The following HOMEZ variants were observed in gnomAD, a reference collection of about 807,000 sequenced individuals.
The protein encoded by HOMEZ is homeobox and leucine zipper encoding.
HOMEZ carries 20 observed loss-of-function variants against 50.1 expected under a neutral mutation model. The ratio of observed to expected loss-of-function variants is 0.40; its 90% confidence interval spans 0.28 to 0.58. The LOEUF (loss-of-function observed/expected upper bound fraction) is 0.58. Ranked by LOEUF, HOMEZ falls within the 20% of genes least tolerant of loss-of-function variation. The probability of loss-of-function intolerance (pLI) is 0.46; values close to 1 mark genes in which losing one functional copy is unlikely to be tolerated. For synonymous variants in HOMEZ, 239 were observed against 254.7 expected (o/e 0.94, Z 0.59); for missense variants, 579 against 680.5 (o/e 0.85, Z 1.66).
intron 1 of HOMEZ, among the ~76,000 whole-genome samples, chr14:23,282,660 C>A (rs1385200400): frequency 6.6e-6 from 1 of 152,188 alleles, no homozygotes; most frequent in African/African-American, 2.4e-5. Context: ...CAAAGCAGTC[C>A]AGTGTGAGGA....
intron 1 of HOMEZ, among the ~76,000 whole-genome samples, chr14:23,280,763 A>ATTTTCTTTTCTTTTC (rs1295606666): frequency 4.7e-5 from 4 of 86,016 alleles, no homozygotes; most frequent in Admixed American, 1.3e-4. Flanking sequence ...ATTTTATTTT[A>ATTTTCTTTTCTTTTC]TTTTATTTTA....
rs1886357088 is a variant in HOMEZ, at chr14:23,276,365, G to A, written c.863C>T (p.Thr288Ile). 7.4e-6 allele frequency: 12 copies of A among 1,613,982 alleles called. No individual in the cohort carries two copies. In the East Asian group the frequency reaches 2.5e-4, roughly 33 times the overall value. The change falls in exon 2 of 2, where the codon ACC becomes ATC. Residue 288 changes from threonine to isoleucine, a missense_variant. Thr to Ile is a moderately conservative substitution (Grantham distance 89, BLOSUM62 -1). Coordinates refer to ENST00000357460, the MANE Select transcript of HOMEZ (RefSeq NM_020834.3). The surrounding 1 kb of genome is among the most constrained non-coding windows in gnomAD (Gnocchi z 4.1). Reference sequence around the variant, plus strand: ...AGCCAGTACCTGGAAAGAAGAAGAGGTAGAGGAAGAAGAGGGAGTAACACT... The same window carrying A: ...AGCCAGTACCTGGAAAGAAGAAGAGATAGAGGAAGAAGAGGGAGTAACACT... The part of the protein sequence containing the change: ...ASSVTPSSSS[T>I]SSSFQVLANG...
At chr14:23,281,644 T>C (rs1238218750) in intron 1 of HOMEZ, among the ~76,000 whole-genome samples, 1 of 152,032 alleles carries the variant, frequency 6.6e-6, no homozygotes, top group Non-Finnish European at 1.5e-5. Context: ...ATTTAACTTC[T>C]CTAAGTCTTA....
intron 1 of HOMEZ, among the ~76,000 whole-genome samples, chr14:23,279,427 G>A (rs1363613059): frequency 6.6e-6 from 1 of 152,112 alleles, no homozygotes; most frequent in Non-Finnish European, 1.5e-5. Flanking sequence ...AACTAATTCC[G>A]ATTGGCTAAT....
chr14:23,280,722 T>TCA (rs1394796179), intron 1 of HOMEZ, among the ~76,000 whole-genome samples: 1 of 66,960 alleles, frequency 1.5e-5, no homozygotes, highest in East Asian at 4.3e-4. Flanking sequence ...TTTATTTTAT[T>TCA]TTATTTTATT....
In HOMEZ at chr14:23,276,167, A is replaced by T. The variant is rs149085380; in HGVS notation, c.1061T>A (p.Met354Lys). 5 of 1,613,930 alleles carry T rather than the reference A, an allele frequency of 3.1e-6. No individual in the cohort carries two copies. The highest frequency in any genetic ancestry group is 4.2e-6 in the Non-Finnish European group (5 of 1,179,854). The change falls in exon 2 of 2, where the codon ATG becomes AAG. Residue 354 changes from methionine to lysine, a missense_variant. By Grantham distance (95) the Met-to-Lys change is moderately conservative. Transcript: ENST00000357460. This position sits in a 1 kb window ranked among gnomAD's most constrained non-coding sequence, Gnocchi z 4.1. ...VGPTEYLSPDMQRQRKTKRKT... is the reference protein window; with the variant it reads ...VGPTEYLSPDKQRQRKTKRKT... ...GCGCTTGGTCTTTCGCTGGCGTTGCATATCTGGGGAAAGGTACTCTGTGGG... is the reference window on the plus strand; with the variant it reads ...GCGCTTGGTCTTTCGCTGGCGTTGCTTATCTGGGGAAAGGTACTCTGTGGG...
chr14:23,281,679 T>A (rs1245483496), intron 1 of HOMEZ, among the ~76,000 whole-genome samples: 9 of 151,926 alleles, frequency 5.9e-5, no homozygotes, highest in Admixed American at 5.9e-4. Flanking sequence ...AAAAAGCACC[T>A]TGGGCCGAGC....
chr14:23,280,710 T>TTTTATATTTTATTTATTTTATTTTTTTA (rs1555323548), intron 1 of HOMEZ, among the ~76,000 whole-genome samples: 1 of 62,102 alleles, frequency 1.6e-5, no homozygotes, highest in African/African-American at 5.2e-5. Flanking sequence ...TATATTTTTA[T>TTTTATATTTTATTTATTTTATTTTTTTA]TTTTATTTTA....
Position 23,273,986 on chromosome 14 carries a change from G to C in HOMEZ, c.*1589C>G, listed in dbSNP as rs989342320. The C allele has an allele frequency of 6.6e-6, 1 of 152,662 alleles. No individual in the cohort carries two copies. The highest frequency in any genetic ancestry group is 1.5e-5 in the Non-Finnish European group (1 of 68,044). 9.5% of individuals were successfully genotyped at this position (152,662 alleles called of 1,614,324 possible). On this transcript the variant is annotated 3_prime_UTR_variant, in exon 2 of 2. Transcript: ENST00000357460. The stretch of plus-strand genomic sequence containing the variant: ...AATAAGTTAAAAGTATGCTGAGTTA[G>C]AATGTTAATGGATTTGGTTCCATTA...
At chr14:23,281,058 C>T (rs987550911) in intron 1 of HOMEZ, among the ~76,000 whole-genome samples, 1 of 151,852 alleles carries the variant, frequency 6.6e-6, no homozygotes, top group African/African-American at 2.4e-5. Flanking sequence ...CGTGAAACAC[C>T]GGGCCCAGCC....
chr14:23,273,096 G>T lies in HOMEZ; in HGVS notation c.*2479C>A. 2.5e-6 allele frequency: 1 copy of T among 404,906 alleles called. No individual in the cohort carries two copies. 25.1% of individuals were successfully genotyped at this position (404,906 alleles called of 1,614,324 possible). ...GGTCTTACAAAAGGCTAGTGCTTCA[G>T]GAAGATGTTTATATCTCTTCCAGAA... On this transcript the variant is annotated 3_prime_UTR_variant, in exon 2 of 2. Coordinates refer to ENST00000357460, the MANE Select transcript of HOMEZ (RefSeq NM_020834.3).
chr14:23,280,711 T>TTTATTTTA lies in HOMEZ; in HGVS notation c.41-3525_41-3524insTAAAATAA, dbSNP rs1555323555. Among the ~76,000 whole-genome samples, 169 of 34,356 alleles carry TTTATTTTA rather than the reference T, an allele frequency of 4.9e-3. 12 individuals are homozygous for TTTATTTTA. The highest frequency in any genetic ancestry group is 0.014 in the African/African-American group (162 of 11,812). The allele number at this position is 34,356 out of a possible 152,430, so 22.5% of individuals were successfully genotyped here. The stretch of plus-strand genomic sequence containing the variant: ...TTTATTTTTATTTTTATATTTTTAT[T>TTTATTTTA]TTTATTTTATTTTATTTTATTTTAT... On this transcript the variant is annotated intron_variant, in intron 1 of 1. Coordinates refer to ENST00000357460, the MANE Select transcript of HOMEZ (RefSeq NM_020834.3).
chr14:23,277,825 C>CTG (rs1406116470), intron 1 of HOMEZ, among the ~76,000 whole-genome samples: 2 of 150,778 alleles, frequency 1.3e-5, no homozygotes, highest in East Asian at 2.0e-4. Flanking sequence ...ATGTGTGTGT[C>CTG]TGTGTGTGTG....
chr14:23,280,728 T>TTA (rs1289468615), intron 1 of HOMEZ, among the ~76,000 whole-genome samples: 46 of 62,766 alleles, frequency 7.3e-4, no homozygotes, highest in South Asian at 2.4e-3. Flanking sequence ...TTATTTTATT[T>TTA]TATTTTATTT....
intron 1 of HOMEZ, among the ~76,000 whole-genome samples, chr14:23,284,014 C>T (rs896202688): frequency 2.0e-5 from 3 of 152,108 alleles, no homozygotes; most frequent in Non-Finnish European, 4.4e-5. Flanking sequence ...TTTTAAGGGC[C>T]TTAAAGACTT....
At chr14:23,279,337 G>C (rs751937068) in intron 1 of HOMEZ, among the ~76,000 whole-genome samples, 18 of 152,178 alleles carry the variant, frequency 1.2e-4, no homozygotes, top group Non-Finnish European at 2.6e-4. Context: ...ACAAAAGAGG[G>C]GAAGAAGTTC....
rs953880848 is a variant in HOMEZ, at chr14:23,286,066, C to T, written c.-114G>A. 2 of 1,231,036 alleles carry T rather than the reference C, an allele frequency of 1.6e-6. No individual in the cohort carries two copies. Among genetic ancestry groups the T allele is most frequent in the Admixed American group, 4.2e-5 (1 of 23,698 alleles). The allele number at this position is 1,231,036 out of a possible 1,614,324, so 76.3% of individuals were successfully genotyped here. On this transcript the variant is annotated 5_prime_UTR_variant, in exon 1 of 2. Coordinates refer to ENST00000357460, the MANE Select transcript of HOMEZ (RefSeq NM_020834.3). ...CGATGGCCGAAACCGGGACTGCCCC[C>T]CCCACCGTCCCCGGGAGCGCGCCGG...
Position 23,286,028 on chromosome 14 carries a change from GA to G in HOMEZ, c.-77del. 8.1e-7 allele frequency: 1 copy of G among 1,232,850 alleles called. No homozygotes were observed. The highest frequency in any genetic ancestry group is 4.1e-5 in the South Asian group (1 of 24,306). 76.4% of individuals were successfully genotyped at this position (1,232,850 alleles called of 1,614,324 possible). On this transcript the variant is annotated 5_prime_UTR_variant, in exon 1 of 2. Coordinates refer to ENST00000357460, the MANE Select transcript of HOMEZ (RefSeq NM_020834.3). ...GGTTGCTGCCCGGTGCGGCCGCTCC[GA>G]GCCCACCCCAGCGATGGCCGAAACC...
intron 1 of HOMEZ, among the ~76,000 whole-genome samples, chr14:23,280,712 T>C (rs1210708175): frequency 1.7e-5 from 1 of 58,270 alleles, no homozygotes; most frequent in Admixed American, 2.1e-4. Flanking sequence ...TATTTTTATT[T>C]TTATTTTATT....
Sources: gnomAD v4.1 joint callset for allele counts (sites outside exome capture counted in the v4.1 genomes callset) on GRCh38, gnomAD v4.1.1 for gene constraint, Gnocchi (gnomAD v3.1) non-coding constraint, MANE v1.5 for transcripts, NCBI Gene and HGNC (gene_info 2026-07-23, HGNC 2026-07-21) for gene names.